TP63: variants seen among roughly 807,000 people sequenced by gnomAD.
The protein encoded by TP63 is tumor protein 63.
In TP63, 17 loss-of-function variants were observed where a neutral mutation model predicts 82.8. The observed-to-expected ratio is 0.21, with a 90% CI of 0.14 to 0.31. The LOEUF (loss-of-function observed/expected upper bound fraction) is 0.31, where lower values mean the gene tolerates loss of function less well. TP63 is among the 10% of genes least tolerant of loss of function. TP63 has a pLI of 1.00. For missense variants in TP63, 648 were observed against 895.3 expected (o/e 0.72, Z 3.52); for synonymous variants, 330 against 321.7 (o/e 1.03, Z -0.28).
At chr3:189,835,844 G>A (rs2108724620) in intron 4 of TP63, among the ~76,000 whole-genome samples, 1 of 151,818 alleles carries the variant, frequency 6.6e-6, no homozygotes, top group African/African-American at 2.4e-5. Context: ...AACTCAGGAG[G>A]CAGAGGTTGC....
At chr3:189,764,741 A>C (rs12631668) in intron 3 of TP63, among the ~76,000 whole-genome samples, 13,351 of 152,212 alleles carry the variant, frequency 0.088, 903 homozygotes, top group East Asian at 0.33. Context: ...CTCCTAATGG[A>C]TATTATTCAA....
the TP63 span, among the ~76,000 whole-genome samples, chr3:189,600,348 A>G: frequency 6.6e-6 from 1 of 152,162 alleles, no homozygotes. Flanking sequence ...AAATGAGGAT[A>G]TTGATTGTAC....
intron 1 of TP63, among the ~76,000 whole-genome samples, chr3:189,685,360 C>A (rs1429129888): frequency 6.6e-6 from 1 of 152,158 alleles, no homozygotes; most frequent in Non-Finnish European, 1.5e-5. Flanking sequence ...CTTCCTCTGC[C>A]TCACTTAGTT....
At chr3:189,873,396 A>T (rs966789210) in intron 10 of TP63, 6 of 293,830 alleles carry the variant, frequency 2.0e-5, no homozygotes, top group African/African-American at 1.3e-4. Flanking sequence ...GATGCACACT[A>T]TCCACTTTTG....
At chr3:189,700,512 T>C (rs1717723697) in intron 1 of TP63, among the ~76,000 whole-genome samples, 1 of 152,156 alleles carries the variant, frequency 6.6e-6, no homozygotes, top group Non-Finnish European at 1.5e-5. Flanking sequence ...ATAAAGTACA[T>C]GGTAATTTCC....
the TP63 span, among the ~76,000 whole-genome samples, chr3:189,624,447 T>G: frequency 6.6e-6 from 1 of 152,184 alleles, no homozygotes; most frequent in African/African-American, 2.4e-5. Context: ...CAATATAGCC[T>G]TTAAGAAGTT....
chr3:189,602,390 G>C, the TP63 span, among the ~76,000 whole-genome samples: 3 of 152,164 alleles, frequency 2.0e-5, no homozygotes, highest in African/African-American at 7.2e-5. Flanking sequence ...GGGGTGATCA[G>C]TGCATCACAA....
chr3:189,728,709 A>G (rs1040788002), intron 1 of TP63, among the ~76,000 whole-genome samples: 1 of 152,192 alleles, frequency 6.6e-6, no homozygotes, highest in South Asian at 2.1e-4. Context: ...GGCAGAAGGC[A>G]CCTCTTCACA....
chr3:189,738,940 C>A (rs4686525), intron 3 of TP63, 166 bp downstream of exon 3: 2 of 980,860 alleles, frequency 2.0e-6, no homozygotes, highest in African/African-American at 3.2e-5. Flanking sequence ...GTGGATTATG[C>A]ATTCTGGGTC....
intron 1 of TP63, among the ~76,000 whole-genome samples, chr3:189,663,386 T>A (rs1215030295): frequency 3.9e-5 from 6 of 152,136 alleles, no homozygotes; most frequent in Admixed American, 1.3e-4. Context: ...TCTTAAAGCA[T>A]CTTATAGAAT....
At chr3:189,824,852 G>T (rs900255883) in intron 4 of TP63, among the ~76,000 whole-genome samples, 3 of 145,948 alleles carry the variant, frequency 2.1e-5, no homozygotes, top group African/African-American at 7.5e-5. Flanking sequence ...AAAAAAAAAA[G>T]ACATGGGTTA....
chr3:189,751,381 T>C lies in TP63; in HGVS notation c.324+12607T>C, dbSNP rs550118161. Among the ~76,000 whole-genome samples, 7 of 152,366 alleles carry C rather than the reference T, an allele frequency of 4.6e-5. No individual in the cohort carries two copies. In the South Asian group the frequency reaches 1.4e-3, roughly 32 times the overall value. ...AATGGTATTTCCAGTTCTAGATCCT[T>C]GAGGGATTGCCACACTGTCTTCCAC... On this transcript the variant is annotated intron_variant, in intron 3 of 13. Transcript: ENST00000264731.
intron 1 of TP63, among the ~76,000 whole-genome samples, chr3:189,719,912 A>G (rs919775540): frequency 1.3e-5 from 2 of 152,228 alleles, no homozygotes; most frequent in African/African-American, 2.4e-5. Context: ...GAACAATCAC[A>G]TAAACCTTAA....
At chr3:189,688,017 A>G (rs151306214) in intron 1 of TP63, among the ~76,000 whole-genome samples, 178 of 151,718 alleles carry the variant, frequency 1.2e-3, no homozygotes, top group African/African-American at 4.1e-3. Context: ...AAAAACAGCT[A>G]GCAACTTGCT....
intron 1 of TP63, among the ~76,000 whole-genome samples, chr3:189,732,392 T>C (rs114707091): frequency 6.6e-6 from 1 of 152,226 alleles, no homozygotes; most frequent in African/African-American, 2.4e-5. Context: ...GGTATTGTTT[T>C]GACCCAAGGT....
chr3:189,643,156 T>C (rs1385319614), intron 1 of TP63, among the ~76,000 whole-genome samples: 1 of 152,030 alleles, frequency 6.6e-6, no homozygotes, highest in Non-Finnish European at 1.5e-5. Context: ...CACATGCCGC[T>C]ATGCCCAGCT....
intron 1 of TP63, among the ~76,000 whole-genome samples, chr3:189,713,840 A>G (rs186570454): frequency 8.5e-5 from 13 of 152,162 alleles, no homozygotes; most frequent in Non-Finnish European, 1.9e-4. Flanking sequence ...TAAGTCCATA[A>G]TAATATAATA....
chr3:189,646,747 A>G (rs1310404354), intron 1 of TP63, among the ~76,000 whole-genome samples: 2 of 147,062 alleles, frequency 1.4e-5, no homozygotes, highest in Admixed American at 6.7e-5. Context: ...CTTAAAAACA[A>G]AGTCGAAAAT....
At chr3:189,731,050 TA>T (rs138037850) in intron 1 of TP63, among the ~76,000 whole-genome samples, 14,606 of 152,240 alleles carry the variant, frequency 0.096, 909 homozygotes, top group East Asian at 0.28. Context: ...GGACTATAGA[TA>T]AAGACTTAGC....
Sources: gnomAD v4.1 joint callset for allele counts (sites outside exome capture counted in the v4.1 genomes callset) on GRCh38, gnomAD v4.1.1 for gene constraint, MANE v1.5 for transcripts, NCBI Gene and HGNC (gene_info 2026-07-23, HGNC 2026-07-21) for gene names.